The following CSMD1 variants were observed in gnomAD, a reference collection of about 807,000 sequenced individuals.
CSMD1 encodes CUB and Sushi multiple domains 1, also known as CUB and sushi domain-containing protein 1.
Under a neutral mutation model 417.5 loss-of-function variants are expected in CSMD1, and 213 were observed. The observed-to-expected ratio is 0.51, with a 90% confidence interval of 0.46 to 0.57. CSMD1 has a LOEUF of 0.57. Ranked by LOEUF, CSMD1 falls within the 20% of genes least tolerant of loss-of-function variation. The pLI, the probability that CSMD1 is intolerant of heterozygous loss-of-function variation, is 0.00. For missense variants in CSMD1, 6,923 were observed against 4,529.7 expected, an observed-to-expected ratio of 1.53 and a Z score of -15.17; for synonymous variants, 2,862 against 1,736.8, an observed-to-expected ratio of 1.65 and a Z score of -16.11.
chr8:4,140,946 A>C (rs1296904403), intron 3 of CSMD1, among the ~76,000 whole-genome samples: 1 of 151,208 alleles, frequency 6.6e-6, no homozygotes, highest in Non-Finnish European at 1.5e-5. Context: ...CCAACAACAA[A>C]AAGTCCTCGT....
At chr8:4,376,525 T>C (rs1049687503) in intron 3 of CSMD1, among the ~76,000 whole-genome samples, 1 of 152,208 alleles carries the variant, frequency 6.6e-6, no homozygotes, top group Non-Finnish European at 1.5e-5. Context: ...ACAGTATATT[T>C]AATCAATTTT....
chr8:3,813,091 G>GA (rs1455136418), intron 5 of CSMD1, among the ~76,000 whole-genome samples: 1 of 135,516 alleles, frequency 7.4e-6, no homozygotes, highest in Non-Finnish European at 1.6e-5. Context: ...TTTTAAGCTA[G>GA]TTTTTTTTTT....
chr8:4,064,343 T>C (rs761394152), intron 3 of CSMD1, among the ~76,000 whole-genome samples: 17 of 152,212 alleles, frequency 1.1e-4, no homozygotes, highest in Non-Finnish European at 1.8e-4. Context: ...ACCTGCTCTC[T>C]TTCACAAATT....
At chr8:4,946,866 C>G (rs915874815) in intron 1 of CSMD1, among the ~76,000 whole-genome samples, 1 of 152,058 alleles carries the variant, frequency 6.6e-6, no homozygotes, top group Non-Finnish European at 1.5e-5. Flanking sequence ...GATTTTAAAT[C>G]ATAGCCATGA....
chr8:4,190,543 C>CT (rs11397580), intron 3 of CSMD1, among the ~76,000 whole-genome samples: 80,125 of 147,712 alleles, frequency 0.54, 22,355 homozygotes, highest in Non-Finnish European at 0.63. Context: ...CACATATAAG[C>CT]TTTTTTTTTT....
At chr8:4,148,966 CTT>C (rs33925411) in intron 3 of CSMD1, among the ~76,000 whole-genome samples, 84 of 145,692 alleles carry the variant, frequency 5.8e-4, no homozygotes, top group Admixed American at 8.8e-4. Context: ...TTCATATTAA[CTT>C]TTTTTTTTTT....
At chr8:4,897,476 T>C (rs1461079171) in intron 1 of CSMD1, among the ~76,000 whole-genome samples, 3 of 152,032 alleles carry the variant, frequency 2.0e-5, no homozygotes, top group Non-Finnish European at 4.4e-5. Flanking sequence ...TAAGGAGTGG[T>C]TTGGGTTGCT....
chr8:3,999,378 A>G (rs1815480899), intron 4 of CSMD1, among the ~76,000 whole-genome samples: 1 of 152,204 alleles, frequency 6.6e-6, no homozygotes, highest in Non-Finnish European at 1.5e-5. Context: ...TACCGAAGTG[A>G]GAGGAAATGA....
chr8:4,959,320 C>T (rs182975664), intron 1 of CSMD1, among the ~76,000 whole-genome samples: 19 of 152,244 alleles, frequency 1.2e-4, no homozygotes, highest in African/African-American at 4.6e-4. Flanking sequence ...TTTCTGGGAC[C>T]TTCTTATTCA....
chr8:4,253,740 T>G (rs558280567), intron 3 of CSMD1, among the ~76,000 whole-genome samples: 10 of 151,272 alleles, frequency 6.6e-5, no homozygotes, highest in African/African-American at 2.4e-4. Flanking sequence ...ATTTTCTGGT[T>G]GTTCAATTAT....
chr8:4,248,813 T>C (rs989422947), intron 3 of CSMD1, among the ~76,000 whole-genome samples: 1 of 152,122 alleles, frequency 6.6e-6, no homozygotes, highest in Non-Finnish European at 1.5e-5. Flanking sequence ...CTTTGCCTAA[T>C]TTGGTGACTG....
intron 7 of CSMD1, among the ~76,000 whole-genome samples, chr8:3,665,245 G>C (rs1030147311): frequency 6.6e-6 from 1 of 152,118 alleles, no homozygotes; most frequent in Non-Finnish European, 1.5e-5. Flanking sequence ...TGTCAGCCAG[G>C]CACAGTGGCT....
intron 23 of CSMD1, among the ~76,000 whole-genome samples, chr8:3,331,530 T>C (rs1427133247): frequency 6.6e-6 from 1 of 152,188 alleles, no homozygotes; most frequent in Admixed American, 6.5e-5. Context: ...GACCTTAACT[T>C]ATGGAACCCT....
At chr8:3,025,518 C>G (rs1809803330) in intron 51 of CSMD1, among the ~76,000 whole-genome samples, 1 of 152,226 alleles carries the variant, frequency 6.6e-6, no homozygotes, top group Non-Finnish European at 1.5e-5. Context: ...TATTCCGAAA[C>G]AGCTCTTCTA....
intron 3 of CSMD1, among the ~76,000 whole-genome samples, chr8:4,152,879 C>G (rs1297073078): frequency 6.6e-6 from 1 of 152,020 alleles, no homozygotes; most frequent in Non-Finnish European, 1.5e-5. Flanking sequence ...AAATTAACAT[C>G]AAATTAGACT....
At chr8:4,700,284 G>T (rs886658634) in intron 1 of CSMD1, among the ~76,000 whole-genome samples, 2 of 151,982 alleles carry the variant, frequency 1.3e-5, no homozygotes, top group African/African-American at 4.8e-5. Flanking sequence ...AATTTTGTGA[G>T]TATTATAAAC....
chr8:4,211,871 C>G (rs1003887205), intron 3 of CSMD1, among the ~76,000 whole-genome samples: 2 of 152,094 alleles, frequency 1.3e-5, no homozygotes, highest in Non-Finnish European at 2.9e-5. Flanking sequence ...TTTAATAACC[C>G]AACATCATAT....
rs374241070 is a variant in CSMD1 at position 3,307,795 on chromosome 8, C to A, written c.3850G>T (p.Ala1284Ser). Residue 1284 changes from alanine (A) to serine (S), a missense_variant, in exon 25 of 70, where the codon GCC (alanine) becomes TCC (serine). Physicochemically the swap from Ala to Ser is moderately conservative, Grantham distance 99. Transcript: ENST00000635120. Reference protein sequence around the residue: ...IAECGGQIHAATSGRILSPGY... With the variant: ...IAECGGQIHASTSGRILSPGY... Reference sequence around the variant, plus strand: ...GGGGACAATATTCGTCCTGATGTGGCTGCATGGATCTGACCACCACATTCC... The same window carrying A: ...GGGGACAATATTCGTCCTGATGTGGATGCATGGATCTGACCACCACATTCC... 5 of 1,613,426 alleles carry A rather than the reference C, an allele frequency of 3.1e-6. No homozygotes were observed. Among genetic ancestry groups the A allele is most frequent in the South Asian group, 1.1e-5 (1 of 91,064 alleles).
chr8:4,359,126 G>C (rs1413241426), intron 3 of CSMD1, among the ~76,000 whole-genome samples: 1 of 152,158 alleles, frequency 6.6e-6, no homozygotes, highest in Admixed American at 6.5e-5. Context: ...TAGAAATTTA[G>C]AAGGCAGAGT....
Sources: gnomAD v4.1 joint callset for allele counts (sites outside exome capture counted in the v4.1 genomes callset) on GRCh38, gnomAD v4.1.1 for gene constraint, MANE v1.5 for transcripts, NCBI Gene and HGNC (gene_info 2026-07-23, HGNC 2026-07-21) for gene names.